GPR183: variants seen among roughly 807,000 people sequenced by gnomAD.
GPR183 encodes EBV-induced G-protein coupled receptor 2.
GPR183 carries 9 observed loss-of-function variants against 19.7 expected under a neutral mutation model. The ratio of observed to expected loss-of-function variants is 0.46; its 90% CI spans 0.28 to 0.80. The LOEUF is 0.80. GPR183 is among the 30% of genes least tolerant of loss of function. The pLI is 0.13. For synonymous variants in GPR183, 160 were observed against 155.1 expected (o/e 1.03, Z -0.24); for missense variants, 368 against 446.7 (o/e 0.82, Z 1.59).
At chr13:99,298,006 G>A (rs9513593) in intron 1 of GPR183, among the ~76,000 whole-genome samples, 107,531 of 151,894 alleles carry the variant, frequency 0.71, 39,658 homozygotes, top group Non-Finnish European at 0.82. Context: ...GAGGGTCACT[G>A]CAAAGGTTAA....
In GPR183 at chr13:99,294,872, G is replaced by T. The variant is rs564755633; in HGVS notation, c.*188C>A. 5 of 478,288 alleles carry T rather than the reference G, an allele frequency of 1.0e-5. No individual in the cohort carries two copies. The East Asian group carries it at 1.7e-4, about 16-fold the overall frequency. The allele number at this position is 478,288 out of a possible 1,614,324, so 29.6% of individuals were successfully genotyped here. On this transcript the variant is annotated 3_prime_UTR_variant, in exon 2 of 2. Transcript: ENST00000376414. ...TGAAATATTTATTTGCATTTTTATT[G>T]TGCTTTATGTTGTTTGCTTTATGTT...
chr13:99,306,205 G>T (rs768219680), intron 1 of GPR183, among the ~76,000 whole-genome samples: 11 of 152,078 alleles, frequency 7.2e-5, no homozygotes, highest in Non-Finnish European at 5.9e-5. Flanking sequence ...CTGATTCAGG[G>T]TCTTTATGTA....
intron 1 of GPR183, among the ~76,000 whole-genome samples, chr13:99,297,238 A>G (rs574928267): frequency 6.6e-6 from 1 of 152,210 alleles, no homozygotes; most frequent in Non-Finnish European, 1.5e-5. Context: ...TTAAAGCAGG[A>G]AGAACAGAGC....
chr13:99,303,877 C>T (rs772498130), intron 1 of GPR183, among the ~76,000 whole-genome samples: 10 of 152,202 alleles, frequency 6.6e-5, no homozygotes, highest in Non-Finnish European at 1.2e-4. Context: ...AGGCAGGGGT[C>T]GTGAAGGCGC....
chr13:99,301,087 A>G (rs1309267164), intron 1 of GPR183, among the ~76,000 whole-genome samples: 1 of 152,236 alleles, frequency 6.6e-6, no homozygotes, highest in Non-Finnish European at 1.5e-5. Flanking sequence ...TTTCTTTAGA[A>G]CACTAATATC....
At chr13:99,303,982 G>C (rs776732528) in intron 1 of GPR183, among the ~76,000 whole-genome samples, 2 of 152,074 alleles carry the variant, frequency 1.3e-5, no homozygotes, top group Non-Finnish European at 2.9e-5. Context: ...GTGTCTGTCT[G>C]TCTGCCTGTT....
chr13:99,301,257 C>G (rs965674426), intron 1 of GPR183, among the ~76,000 whole-genome samples: 7 of 152,234 alleles, frequency 4.6e-5, no homozygotes, highest in African/African-American at 1.7e-4. Flanking sequence ...GATCCTTATT[C>G]AGGTTCCACC....
intron 1 of GPR183, among the ~76,000 whole-genome samples, chr13:99,298,226 A>G (rs1173748770): frequency 2.0e-5 from 3 of 152,190 alleles, no homozygotes; most frequent in Non-Finnish European, 4.4e-5. Context: ...CTGAAGACAC[A>G]TGAGCATATA....
chr13:99,304,553 C>T (rs1003925181), intron 1 of GPR183, among the ~76,000 whole-genome samples: 5 of 152,122 alleles, frequency 3.3e-5, no homozygotes, highest in Non-Finnish European at 7.3e-5. Flanking sequence ...AGCAACATTG[C>T]AGCTTTCTTA....
intron 1 of GPR183, among the ~76,000 whole-genome samples, chr13:99,299,436 G>A (rs2044224037): frequency 6.6e-6 from 1 of 151,514 alleles, no homozygotes; most frequent in African/African-American, 2.4e-5. Flanking sequence ...TTTTTGGGAG[G>A]TAGGGAAGCA....
intron 1 of GPR183, among the ~76,000 whole-genome samples, chr13:99,299,475 C>CAG (rs899342122): frequency 6.6e-6 from 1 of 152,050 alleles, no homozygotes; most frequent in Non-Finnish European, 1.5e-5. Flanking sequence ...CACACACACA[C>CAG]AGAAAGATGT....
intron 1 of GPR183, among the ~76,000 whole-genome samples, chr13:99,304,168 C>A (rs1433555931): frequency 6.6e-6 from 1 of 152,200 alleles, no homozygotes; most frequent in Admixed American, 6.5e-5. Flanking sequence ...TTCCCCTGAT[C>A]GTGGCCTGGC....
chr13:99,294,924 G>T lies in GPR183; in HGVS notation c.*136C>A. 1.1e-6 allele frequency: 1 copy of T among 901,504 alleles called. No individual in the cohort carries two copies. 55.8% of individuals were successfully genotyped at this position (901,504 alleles called of 1,614,324 possible). On this transcript the variant is annotated 3_prime_UTR_variant, in exon 2 of 2. Coordinates refer to ENST00000376414, the MANE Select transcript of GPR183 (RefSeq NM_004951.5). ...TTCTCTTGGGCTTACTTCCGAGTTG[G>T]AGATGGGAAAGTGCCCAATGAAAGA...
intron 1 of GPR183, among the ~76,000 whole-genome samples, chr13:99,306,159 G>C (rs573629787): frequency 4.6e-5 from 7 of 152,222 alleles, no homozygotes; most frequent in African/African-American, 1.4e-4. Flanking sequence ...GCCTCCCAAA[G>C]TGCTGGGATT....
rs1289836797 is a variant in GPR183 at position 99,301,942 on chromosome 13, G to GA, written c.-19+5397dup. Among the ~76,000 whole-genome samples, 3 of 152,312 alleles carry GA rather than the reference G, an allele frequency of 2.0e-5. No individual in the cohort carries two copies. In the East Asian group the frequency reaches 5.8e-4, roughly 29 times the overall value. ...TTTAATAATCATCAACACCTTGAAT[G>GA]AAAAGGGGCTTACCTAGGAATTCTG... On this transcript the variant is annotated intron_variant, in intron 1 of 1. Transcript: ENST00000376414.
At chr13:99,305,112 G>T (rs914644785) in intron 1 of GPR183, among the ~76,000 whole-genome samples, 3 of 152,176 alleles carry the variant, frequency 2.0e-5, no homozygotes, top group African/African-American at 7.2e-5. Flanking sequence ...AATTTAGACT[G>T]AAATTTCGAT....
chr13:99,295,434 C>A lies in GPR183; in HGVS notation c.712G>T (p.Val238Leu). 1 of 1,614,026 alleles carries A rather than the reference C, an allele frequency of 6.2e-7. No individual in the cohort carries two copies. Among genetic ancestry groups the A allele is most frequent in the South Asian group, 1.1e-5 (1 of 91,078 alleles). The change falls in exon 2 of 2, where the codon GTA becomes TTA. Residue 238 changes from valine (V) to leucine (L), a missense_variant. Transcript: ENST00000376414. This position sits in a 1 kb window ranked among gnomAD's most constrained non-coding sequence, Gnocchi z 4.1. Reference protein sequence around the residue: ...KQNPLTEKSGVNKKALNTIIL... With the variant: ...KQNPLTEKSGLNKKALNTIIL... ...ATTGTGTTGAGAGCCTTTTTGTTTA[C>A]ACCAGATTTCTCAGTGAGTGGGTTT...
chr13:99,299,302 T>G (rs1378126524), intron 1 of GPR183, among the ~76,000 whole-genome samples: 1 of 152,234 alleles, frequency 6.6e-6, no homozygotes, highest in Non-Finnish European at 1.5e-5. Context: ...AGCCATACAG[T>G]AGAATACAGG....
intron 1 of GPR183, among the ~76,000 whole-genome samples, chr13:99,299,631 GA>G (rs1365386326): frequency 6.6e-6 from 1 of 152,032 alleles, no homozygotes; most frequent in African/African-American, 2.4e-5. Flanking sequence ...ATTTTAATGG[GA>G]AAAAATTTTA....
Sources: allele counts gnomAD v4.1 joint callset (sites outside exome capture counted in the v4.1 genomes callset), GRCh38; gene constraint gnomAD v4.1.1; non-coding constraint Gnocchi (gnomAD v3.1); transcripts MANE v1.5; gene names NCBI Gene and HGNC (gene_info 2026-07-23, HGNC 2026-07-21).